EPHA6: variants seen among roughly 807,000 people sequenced by gnomAD.
EPHA6 encodes ephrin type-A receptor 6.
In EPHA6, 50 loss-of-function variants were observed where a neutral mutation model predicts 112.0. The ratio of observed to expected loss-of-function variants is 0.45; its 90% CI spans 0.36 to 0.56. EPHA6 has a LOEUF of 0.56. Among genes scored for constraint, EPHA6 ranks in the 20% least tolerant of loss-of-function variants. The pLI is 0.00. For synonymous variants in EPHA6, 529 were observed against 490.7 expected (o/e 1.08, Z -1.03); for missense variants, 1,280 against 1,417.4 (o/e 0.90, Z 1.56).
chr3:97,242,536 A>G (rs1034560015), intron 4 of EPHA6, among the ~76,000 whole-genome samples: 2 of 151,862 alleles, frequency 1.3e-5, no homozygotes, highest in Non-Finnish European at 2.9e-5. Context: ...ATCCGCTTAC[A>G]TAGATCTAGT....
At chr3:96,841,938 C>CGAAT (rs2034774654) in intron 1 of EPHA6, among the ~76,000 whole-genome samples, 1 of 152,034 alleles carries the variant, frequency 6.6e-6, no homozygotes, top group South Asian at 2.1e-4. Flanking sequence ...GAAATTAATT[C>CGAAT]TGTCTATTCT....
intron 2 of EPHA6, among the ~76,000 whole-genome samples, chr3:96,955,413 G>A (rs1050524387): frequency 2.6e-5 from 4 of 152,148 alleles, no homozygotes; most frequent in African/African-American, 9.7e-5. Context: ...CAGTATCCAT[G>A]CAAGGGATAT....
intron 3 of EPHA6, among the ~76,000 whole-genome samples, chr3:97,203,266 A>G (rs969088087): frequency 2.0e-5 from 3 of 152,128 alleles, no homozygotes; most frequent in African/African-American, 4.8e-5. Context: ...GGATAATTCA[A>G]GCAAGAAATC....
At chr3:97,667,340 A>AT (rs2030248480) in intron 14 of EPHA6, among the ~76,000 whole-genome samples, 1 of 152,230 alleles carries the variant, frequency 6.6e-6, no homozygotes, top group Non-Finnish European at 1.5e-5. Flanking sequence ...TAAATCTGTT[A>AT]CTTTTGTTGA....
chr3:97,179,724 TC>T (rs1431021927), intron 3 of EPHA6, among the ~76,000 whole-genome samples: 3 of 128,040 alleles, frequency 2.3e-5, no homozygotes, highest in Non-Finnish European at 5.2e-5. Context: ...AGAGTCTCTC[TC>T]TCTCTCTCTC....
intron 11 of EPHA6, among the ~76,000 whole-genome samples, chr3:97,575,977 A>C (rs1159830855): frequency 6.6e-6 from 1 of 152,138 alleles, no homozygotes; most frequent in African/African-American, 2.4e-5. Flanking sequence ...ACTCTGAGGA[A>C]GTGGTCTAAA....
chr3:97,095,746 T>C (rs2047217431), intron 3 of EPHA6, among the ~76,000 whole-genome samples: 2 of 151,274 alleles, frequency 1.3e-5, no homozygotes, highest in South Asian at 4.2e-4. Flanking sequence ...CCATCATCAC[T>C]TGAAGGACTT....
chr3:96,953,094 G>A (rs1054647456), intron 2 of EPHA6, among the ~76,000 whole-genome samples: 1 of 151,980 alleles, frequency 6.6e-6, no homozygotes, highest in Admixed American at 6.6e-5. Flanking sequence ...GATTTCCTGG[G>A]TTTTTTATAG....
intron 11 of EPHA6, among the ~76,000 whole-genome samples, chr3:97,562,654 G>A (rs1274203230): frequency 6.6e-6 from 1 of 152,162 alleles, no homozygotes; most frequent in African/African-American, 2.4e-5. Context: ...TAACACAGTG[G>A]CAGAGTTTGA....
intron 3 of EPHA6, among the ~76,000 whole-genome samples, chr3:97,094,057 G>A (rs577505208): frequency 2.0e-5 from 3 of 152,158 alleles, no homozygotes; most frequent in African/African-American, 4.8e-5. Flanking sequence ...CCCTTACAGC[G>A]TTAGAAAACC....
At chr3:96,994,761 A>G (rs941104970) in intron 3 of EPHA6, among the ~76,000 whole-genome samples, 2 of 137,116 alleles carry the variant, frequency 1.5e-5, no homozygotes, top group South Asian at 4.5e-4. Flanking sequence ...AGAGAGAGAG[A>G]GCTATATATA....
chr3:96,985,751 A>G (rs2042998515), intron 2 of EPHA6, among the ~76,000 whole-genome samples: 1 of 152,214 alleles, frequency 6.6e-6, no homozygotes, highest in Non-Finnish European at 1.5e-5. Flanking sequence ...GATGGATAAT[A>G]TAAATTATTC....
chr3:97,547,865 C>T (rs2092976247), intron 11 of EPHA6, among the ~76,000 whole-genome samples: 1 of 152,212 alleles, frequency 6.6e-6, no homozygotes, highest in African/African-American at 2.4e-5. Context: ...ACCCTCCAAG[C>T]CATGTGTGGG....
chr3:97,084,110 A>C (rs554796969), intron 3 of EPHA6, among the ~76,000 whole-genome samples: 12 of 118,300 alleles, frequency 1.0e-4, no homozygotes, highest in African/African-American at 4.2e-4. Flanking sequence ...GGATATATAT[A>C]TATATATATA....
chr3:97,755,792 T>A lies in EPHA6; in HGVS notation c.*7091T>A, dbSNP rs1324843337. 6.6e-6 allele frequency among the ~76,000 whole-genome samples: 1 copy of A among 152,092 alleles called. No homozygotes were observed. Among genetic ancestry groups the A allele is most frequent in the African/African-American group, 2.4e-5 (1 of 41,460 alleles). ...CTACAAGTTTTTCCACATTTGTAGC[T>A]CATCCTTAGAACAGTCTTAATTTGG... On this transcript the variant is annotated 3_prime_UTR_variant, in exon 18 of 18. Transcript: ENST00000389672.
Position 97,366,211 on chromosome 3 carries a change from T to C in EPHA6, c.1607-38939T>C, listed in dbSNP as rs186134250. Reference sequence around the variant, plus strand: ...TTGTATTTCCCTCTAAATCTAGATATTCACATTTTTTCTGATTTTTTCGTA... The same window carrying C: ...TTGTATTTCCCTCTAAATCTAGATACTCACATTTTTTCTGATTTTTTCGTA... On this transcript the variant is annotated intron_variant, in intron 5 of 17. Coordinates refer to ENST00000389672, the MANE Select transcript of EPHA6 (RefSeq NM_001080448.3). 7.9e-5 allele frequency among the ~76,000 whole-genome samples: 12 copies of C among 152,314 alleles called. No homozygotes were observed. The South Asian group carries it at 1.7e-3, about 21-fold the overall frequency.
intron 10 of EPHA6, among the ~76,000 whole-genome samples, chr3:97,498,428 C>T (rs1441951520): frequency 1.3e-5 from 2 of 151,206 alleles, no homozygotes; most frequent in East Asian, 1.9e-4. Flanking sequence ...TTTTTCAGCT[C>T]GTTGTTGGGT....
At chr3:97,235,453 G>A (rs1576740471) in intron 4 of EPHA6, among the ~76,000 whole-genome samples, 1 of 152,080 alleles carries the variant, frequency 6.6e-6, no homozygotes, top group East Asian at 1.9e-4. Context: ...CTTCAAAATA[G>A]CCTTTCAGTT....
At chr3:97,609,651 G>A (rs1379669067) in intron 12 of EPHA6, among the ~76,000 whole-genome samples, 1 of 151,366 alleles carries the variant, frequency 6.6e-6, no homozygotes, top group Non-Finnish European at 1.5e-5. Context: ...GTAAAGTCTA[G>A]CATTTACATA....
Sources: gnomAD v4.1 joint callset for allele counts (sites outside exome capture counted in the v4.1 genomes callset) on GRCh38, gnomAD v4.1.1 for gene constraint, MANE v1.5 for transcripts, NCBI Gene and HGNC (gene_info 2026-07-23, HGNC 2026-07-21) for gene names.